Variants in RBFOX1 observed in about 807,000 individuals in gnomAD.
RBFOX1 encodes the protein RNA binding protein fox-1 homolog 1.
Under a neutral mutation model 57.7 loss-of-function variants are expected in RBFOX1, and 8 were observed. The ratio of observed to expected loss-of-function variants is 0.14; its 90% CI spans 0.08 to 0.25. The LOEUF is 0.25. Ranked by LOEUF, RBFOX1 falls within the 10% of genes least tolerant of loss-of-function variation. The pLI, the probability that RBFOX1 is intolerant of heterozygous loss-of-function variation, is 1.00. For missense variants in RBFOX1, 611 were observed against 548.5 expected, an observed-to-expected ratio of 1.11 and a Z score of -1.14; for synonymous variants, 326 against 222.4, an observed-to-expected ratio of 1.47 and a Z score of -4.15.
chr16:7,480,163 C>G (rs769009144), intron 4 of RBFOX1, among the ~76,000 whole-genome samples: 1 of 152,220 alleles, frequency 6.6e-6, no homozygotes, highest in Non-Finnish European at 1.5e-5. Context: ...CAGCTACACA[C>G]ACTCTCTAAG....
intron 4 of RBFOX1, among the ~76,000 whole-genome samples, chr16:7,273,221 C>CCTTCCTTT: frequency 7.8e-6 from 1 of 128,156 alleles, no homozygotes; most frequent in Non-Finnish European, 1.7e-5. Context: ...TTCCTTCCTT[C>CCTTCCTTT]CTTCCTTCCT....
intron 1 of RBFOX1, among the ~76,000 whole-genome samples, chr16:6,035,965 T>C (rs2095359861): frequency 6.6e-6 from 1 of 152,178 alleles, no homozygotes; most frequent in Admixed American, 6.5e-5. Context: ...AGTAATTGGG[T>C]GCCTGAAGAA....
chr16:6,513,133 G>C (rs1189069395), intron 2 of RBFOX1, among the ~76,000 whole-genome samples: 1 of 152,186 alleles, frequency 6.6e-6, no homozygotes, highest in Non-Finnish European at 1.5e-5. Context: ...CCATTCTTAA[G>C]TGAAATCTTA....
Position 6,621,969 on chromosome 16 carries a change from A to C in RBFOX1, c.-63-32634A>C, listed in dbSNP as rs73540188. On this transcript the variant is annotated intron_variant, in intron 2 of 15. Coordinates refer to ENST00000550418, the MANE Select transcript of RBFOX1 (RefSeq NM_018723.4). Reference sequence around the variant, plus strand: ...AGAAGTCGTTACACAAAGGTGCTACATAATTGCTGCTAGGTTCGTGTTAGC... The same window carrying C: ...AGAAGTCGTTACACAAAGGTGCTACCTAATTGCTGCTAGGTTCGTGTTAGC... Among the ~76,000 whole-genome samples the C allele has an allele frequency of 4.0e-3, 615 of 152,330 alleles. 4 individuals are homozygous for C. The highest frequency in any genetic ancestry group is 0.014 in the African/African-American group (587 of 41,574).
intron 2 of RBFOX1, among the ~76,000 whole-genome samples, chr16:6,506,311 A>G (rs562958154): frequency 1.3e-5 from 2 of 152,186 alleles, no homozygotes; most frequent in Admixed American, 6.5e-5. Flanking sequence ...AGCAGGGAGT[A>G]TGGGGAGCTG....
chr16:5,653,069 G>A (rs1012984381), intron 3 of RBFOX1, among the ~76,000 whole-genome samples: 47 of 51,566 alleles, frequency 9.1e-4, no homozygotes, highest in South Asian at 4.4e-3. Context: ...CTGGGCCTGT[G>A]TGAGCAAGGT....
chr16:6,461,056 G>C (rs2094907817), intron 2 of RBFOX1, among the ~76,000 whole-genome samples: 1 of 152,054 alleles, frequency 6.6e-6, no homozygotes, highest in Non-Finnish European at 1.5e-5. Flanking sequence ...TGAACAATGA[G>C]AACAGATAGA....
At chr16:5,647,259 A>T (rs565802032) in intron 3 of RBFOX1, among the ~76,000 whole-genome samples, 9 of 152,330 alleles carry the variant, frequency 5.9e-5, no homozygotes, top group Admixed American at 1.3e-4. Flanking sequence ...TCATTCACCC[A>T]GGGCCATGGA....
chr16:5,889,427 A>G (rs1383755741), intron 4 of RBFOX1, among the ~76,000 whole-genome samples: 1 of 152,168 alleles, frequency 6.6e-6, no homozygotes, highest in Non-Finnish European at 1.5e-5. Flanking sequence ...ATAGTATTCC[A>G]TGTGTCTGTG....
intron 4 of RBFOX1, among the ~76,000 whole-genome samples, chr16:7,279,188 A>C (rs2095496863): frequency 6.7e-6 from 1 of 150,094 alleles, no homozygotes; most frequent in East Asian, 2.0e-4. Flanking sequence ...CTGAGTGCCT[A>C]CCCTCTCTGA....
At chr16:7,536,632 G>T (rs993674335) in intron 5 of RBFOX1, among the ~76,000 whole-genome samples, 7 of 152,144 alleles carry the variant, frequency 4.6e-5, no homozygotes, top group African/African-American at 1.7e-4. Flanking sequence ...AGAAAGACAT[G>T]CAGAGAAAGG....
chr16:6,651,239 G>T (rs1206132256), intron 2 of RBFOX1, among the ~76,000 whole-genome samples: 2 of 152,124 alleles, frequency 1.3e-5, no homozygotes, highest in African/African-American at 4.8e-5. Context: ...ACACAACCCT[G>T]CACATCCATG....
chr16:6,516,445 A>G (rs1386281941), intron 2 of RBFOX1, among the ~76,000 whole-genome samples: 2 of 152,218 alleles, frequency 1.3e-5, no homozygotes, highest in Non-Finnish European at 2.9e-5. Context: ...ATTCAACAGT[A>G]GCACTCAACA....
At chr16:6,847,880 C>G (rs149722300) in intron 3 of RBFOX1, among the ~76,000 whole-genome samples, 401 of 152,178 alleles carry the variant, frequency 2.6e-3, no homozygotes, top group Non-Finnish European at 4.0e-3. Flanking sequence ...GTCTGTCAGT[C>G]AGGCTGGAGA....
At position 5,994,381 on chromosome 16, in the gene RBFOX1, C is replaced by T. The variant is rs762082254; in HGVS notation, c.351+127046C>T. On this transcript the variant is annotated intron_variant, in intron 4 of 19. Coordinates refer to the RBFOX1 transcript ENST00000641259. ...TTCGCCATATTGGCCAGGCTGGTCT[C>T]GAACTCCTGGCCTTGGGTGATCTCC... 5.3e-5 allele frequency among the ~76,000 whole-genome samples: 8 copies of T among 152,164 alleles called. 1 individual carries two copies. Among genetic ancestry groups the T allele is most frequent in the Admixed American group, 1.3e-4 (2 of 15,284 alleles).
At chr16:5,695,692 G>T (rs1164402136) in intron 3 of RBFOX1, among the ~76,000 whole-genome samples, 1 of 152,252 alleles carries the variant, frequency 6.6e-6, no homozygotes, top group Admixed American at 6.5e-5. Flanking sequence ...TGCACCCTTT[G>T]ACCTATGCTT....
intron 3 of RBFOX1, among the ~76,000 whole-genome samples, chr16:6,681,465 C>A (rs376426774): frequency 6.6e-6 from 1 of 152,028 alleles, no homozygotes. Flanking sequence ...GAAGTATAAC[C>A]AGATTTAGCA....
intron 3 of RBFOX1, among the ~76,000 whole-genome samples, chr16:6,851,240 A>G (rs978446128): frequency 6.6e-6 from 1 of 152,200 alleles, no homozygotes; most frequent in Non-Finnish European, 1.5e-5. Flanking sequence ...AATTCTAGAT[A>G]TAGAGAATCA....
intron 1 of RBFOX1, among the ~76,000 whole-genome samples, chr16:5,390,610 CA>C (rs1567436440): frequency 6.6e-6 from 1 of 152,070 alleles, no homozygotes; most frequent in Non-Finnish European, 1.5e-5. Context: ...TTTTAAATGT[CA>C]CAATATATCA....
Sources: gnomAD v4.1 joint callset for allele counts (sites outside exome capture counted in the v4.1 genomes callset) on GRCh38, gnomAD v4.1.1 for gene constraint, MANE v1.5 for transcripts, NCBI Gene and HGNC (gene_info 2026-07-23, HGNC 2026-07-21) for gene names.